Variants in STK24 observed in about 807,000 individuals in gnomAD.
STK24 encodes the protein serine/threonine-protein kinase 24.
Under a neutral mutation model 55.6 loss-of-function variants are expected in STK24, and 21 were observed. The ratio of observed to expected loss-of-function variants is 0.38; its 90% confidence interval spans 0.27 to 0.54. STK24 has a LOEUF of 0.54. Among genes scored for constraint, STK24 ranks in the 20% least tolerant of loss-of-function variants. STK24 has a pLI of 0.79. For synonymous variants in STK24, 200 were observed against 215.2 expected, an observed-to-expected ratio of 0.93 and a Z score of 0.62; for missense variants, 383 against 538.4, an observed-to-expected ratio of 0.71 and a Z score of 2.86.
At chr13:98,473,223 A>G (rs1483011276) in intron 5 of STK24, among the ~76,000 whole-genome samples, 2 of 42,838 alleles carry the variant, frequency 4.7e-5, no homozygotes, top group Non-Finnish European at 1.1e-4. Flanking sequence ...ATATGAAATA[A>G]ATACAATAAT....
At chr13:98,484,648 C>A (rs143387174) in intron 2 of STK24, among the ~76,000 whole-genome samples, 21 of 152,180 alleles carry the variant, frequency 1.4e-4, no homozygotes, top group African/African-American at 4.3e-4. Flanking sequence ...CACGAAGGTA[C>A]GTCACCACTT....
chr13:98,521,067 G>C (rs1221860947), intron 1 of STK24, among the ~76,000 whole-genome samples: 1 of 152,220 alleles, frequency 6.6e-6, no homozygotes, highest in Non-Finnish European at 1.5e-5. Context: ...TGAGTGCTCA[G>C]CCCACACCGG....
chr13:98,483,207 G>C (rs1444125329), intron 2 of STK24, among the ~76,000 whole-genome samples: 2 of 152,238 alleles, frequency 1.3e-5, no homozygotes, highest in African/African-American at 4.8e-5. Flanking sequence ...CTAGGGGCCC[G>C]GGCAGCTGTC....
intron 2 of STK24, among the ~76,000 whole-genome samples, chr13:98,485,604 A>G (rs1894775037): frequency 1.3e-5 from 2 of 152,244 alleles, no homozygotes; most frequent in Admixed American, 1.3e-4. Flanking sequence ...CCCAGGCAAG[A>G]AGGAGGTCTG....
chr13:98,556,566 C>T (rs564672307), intron 1 of STK24, among the ~76,000 whole-genome samples: 13 of 152,282 alleles, frequency 8.5e-5, no homozygotes, highest in Admixed American at 5.9e-4. Flanking sequence ...TGAGTATGTG[C>T]CCCAATGGTG....
At chr13:98,497,404 C>A (rs555758400) in intron 2 of STK24, among the ~76,000 whole-genome samples, 1 of 152,336 alleles carries the variant, frequency 6.6e-6, no homozygotes, top group African/African-American at 2.4e-5. Flanking sequence ...TTTTTCCCTG[C>A]CTGCCAGATC....
chr13:98,546,745 A>T (rs1437021767), intron 1 of STK24, among the ~76,000 whole-genome samples: 1 of 152,202 alleles, frequency 6.6e-6, no homozygotes, highest in Non-Finnish European at 1.5e-5. Context: ...ACCAAGCAAC[A>T]GGCTCAGGAA....
chr13:98,485,936 G>A (rs1281740037), intron 2 of STK24, among the ~76,000 whole-genome samples: 2 of 152,134 alleles, frequency 1.3e-5, no homozygotes, highest in Admixed American at 6.5e-5. Context: ...AACACCCAAC[G>A]CCAGCCACTA....
At chr13:98,497,685 C>T (rs1298670952) in intron 2 of STK24, among the ~76,000 whole-genome samples, 3 of 152,252 alleles carry the variant, frequency 2.0e-5, no homozygotes, top group African/African-American at 7.2e-5. Context: ...GGACCACCCA[C>T]ACCCTGGCTC....
At chr13:98,477,755 G>T (rs1403983888) in intron 3 of STK24, among the ~76,000 whole-genome samples, 3 of 151,240 alleles carry the variant, frequency 2.0e-5, no homozygotes, top group Non-Finnish European at 4.4e-5. Context: ...CCAAGCCGAC[G>T]ATCAATACCT....
rs1300886427 is a variant in STK24, at chr13:98,452,854, T to C, written c.*319A>G. 5 of 273,190 alleles carry C rather than the reference T, an allele frequency of 1.8e-5. No homozygotes were observed. Among genetic ancestry groups the C allele is most frequent in the Non-Finnish European group, 2.7e-5 (4 of 145,680 alleles). The allele number at this position is 273,190 out of a possible 1,614,324, so 16.9% of individuals were successfully genotyped here. On this transcript the variant is annotated 3_prime_UTR_variant, in exon 11 of 11. Coordinates refer to ENST00000539966, the MANE Select transcript of STK24 (RefSeq NM_001032296.4). ...AGTTGCCTTATCATAATCCCAAATA[T>C]ACATTTCAGGGTTTGTTTTTGTTTT...
At chr13:98,507,033 G>A (rs180698411) in intron 2 of STK24, among the ~76,000 whole-genome samples, 3 of 152,334 alleles carry the variant, frequency 2.0e-5, no homozygotes, top group Admixed American at 2.0e-4. Context: ...GGTGCTGGCC[G>A]ACACTAGGCC....
At chr13:98,515,998 C>T (rs1053681339) in intron 2 of STK24, among the ~76,000 whole-genome samples, 1 of 152,206 alleles carries the variant, frequency 6.6e-6, no homozygotes, top group Non-Finnish European at 1.5e-5. Context: ...TCTTACAAAT[C>T]CATTTAATCT....
chr13:98,463,687 T>C lies in STK24; in HGVS notation c.929+4A>G. The stretch of plus-strand genomic sequence containing the variant: ...ATGCTTGGGTCACTCAGGGGCCGAC[T>C]TACGCGTCGGAATCCTCGGAGCTCG... On this transcript the variant is annotated splice_donor_region_variant and intron_variant, in intron 7 of 10. Transcript: ENST00000539966. The C allele has an allele frequency of 2.5e-6, 4 of 1,613,204 alleles. No individual in the cohort carries two copies. The highest frequency in any genetic ancestry group is 1.3e-5 in the African/African-American group (1 of 75,012).
chr13:98,461,784 T>C lies in STK24; in HGVS notation c.1043A>G (p.Asp348Gly). ...AGTGAGCAGACGTACCTTATTTCTG[T>C]CCAAGTCCGATGGCTGAAGAGCTCC... is the stretch of plus-strand genomic sequence containing the variant. ...ENGALQPSDL[D>G]RNKMKDIPKR... is the part of the protein sequence containing the mutation. The change falls in exon 8 of 11, where the codon GAC becomes GGC. Residue 348 changes from aspartate (D) to glycine (G), a missense_variant. Physicochemically the swap from Asp to Gly is moderately conservative, Grantham distance 94 (BLOSUM62 -1). Coordinates refer to ENST00000539966, the MANE Select transcript of STK24 (RefSeq NM_001032296.4). The C allele has an allele frequency of 6.2e-7, 1 of 1,614,028 alleles. No individual in the cohort carries two copies. The highest frequency in any genetic ancestry group is 8.5e-7 in the Non-Finnish European group (1 of 1,179,922).
chr13:98,448,215 A>G lies in STK24; in HGVS notation c.*4958T>C. On this transcript the variant is annotated 3_prime_UTR_variant, in exon 11 of 11. Transcript: ENST00000539966. ...GTCCGTCCAAACAAAAGGTTGACTA[A>G]CTGGCGTTCCCGTGTTGCAGGTGGA... is the stretch of plus-strand genomic sequence containing the variant. 6.2e-7 allele frequency: 1 copy of G among 1,607,536 alleles called. No individual in the cohort carries two copies.
At chr13:98,456,591 CA>C in intron 10 of STK24, 1 of 480,450 alleles carries the variant, frequency 2.1e-6, no homozygotes, top group East Asian at 6.7e-5. Flanking sequence ...GCAGGGAGGG[CA>C]AAACTGTCAC....
rs1952985084 is a variant in STK24 at position 98,445,282 on chromosome 13, T to G, written c.*7891A>C. On this transcript the variant is annotated 3_prime_UTR_variant, in exon 11 of 11. Transcript: ENST00000539966. ...GAACAATTCAGTGGCATTAAGTGCC[T>G]TTACAAGGTGGTGCAACTGCTTTGA... is the stretch of plus-strand genomic sequence containing the variant. 1 of 152,220 alleles carries G rather than the reference T, an allele frequency of 6.6e-6. No individual in the cohort carries two copies. The highest frequency in any genetic ancestry group is 1.5e-5 in the Non-Finnish European group (1 of 68,052). The allele number at this position is 152,220 out of a possible 1,614,324, so 9.4% of individuals were successfully genotyped here. A position where few individuals can be genotyped will look rare whatever the true frequency, so the allele number is the denominator to read the frequency against.
chr13:98,536,146 C>T (rs903131677), intron 1 of STK24, among the ~76,000 whole-genome samples: 2 of 151,642 alleles, frequency 1.3e-5, no homozygotes, highest in Admixed American at 6.6e-5. Flanking sequence ...TCCTGCCCAC[C>T]GGGGGGAAAA....
Sources: allele counts gnomAD v4.1 joint callset (sites outside exome capture counted in the v4.1 genomes callset), GRCh38; gene constraint gnomAD v4.1.1; transcripts MANE v1.5; gene names NCBI Gene and HGNC (gene_info 2026-07-23, HGNC 2026-07-21).